DLG2: variants seen among roughly 807,000 people sequenced by gnomAD.
DLG2 encodes disks large homolog 2.
Under a neutral mutation model 132.5 loss-of-function variants are expected in DLG2, and 45 were observed. The observed-to-expected ratio is 0.34, with a 90% CI of 0.27 to 0.44. The LOEUF (loss-of-function observed/expected upper bound fraction) is 0.44. Among genes scored for constraint, DLG2 ranks in the 20% least tolerant of loss-of-function variants. The probability of loss-of-function intolerance (pLI) is 1.00; values close to 1 mark genes in which losing one functional copy is unlikely to be tolerated. For synonymous variants in DLG2, 424 were observed against 419.6 expected (o/e 1.01, Z -0.13); for missense variants, 1,045 against 1,196.9 (o/e 0.87, Z 1.87).
At chr11:85,151,187 G>A (rs2077226007) in intron 5 of DLG2, among the ~76,000 whole-genome samples, 1 of 152,080 alleles carries the variant, frequency 6.6e-6, no homozygotes, top group African/African-American at 2.4e-5. Context: ...TTCTATTCAA[G>A]TCTTTTGTCC....
In DLG2 at chr11:85,432,838, A is replaced by G. The variant is rs552500576; in HGVS notation, c.41-147473T>C. Among the ~76,000 whole-genome samples, 21 of 152,244 alleles carry G rather than the reference A, an allele frequency of 1.4e-4. No individual in the cohort carries two copies. In the East Asian group the frequency reaches 3.9e-3, roughly 28 times the overall value. ...GAGAAACTGACTAAGATACTCCACG[A>G]GAAGAACAACCCCAAGACACATAAT... On this transcript the variant is annotated intron_variant, in intron 3 of 27. Coordinates refer to ENST00000376104, the MANE Select transcript of DLG2 (RefSeq NM_001142699.3).
chr11:85,461,914 G>A (rs1330499305), intron 3 of DLG2, among the ~76,000 whole-genome samples: 1 of 152,036 alleles, frequency 6.6e-6, no homozygotes, highest in Non-Finnish European at 1.5e-5. Flanking sequence ...CTGACAAAGG[G>A]CTAATATCCA....
At chr11:85,588,939 C>T (rs1452410564) in intron 3 of DLG2, among the ~76,000 whole-genome samples, 1 of 152,128 alleles carries the variant, frequency 6.6e-6, no homozygotes, top group East Asian at 1.9e-4. Context: ...TGGTATTGCT[C>T]TTCTGAGTCT....
At chr11:85,086,367 T>C (rs2154173957) in intron 6 of DLG2, among the ~76,000 whole-genome samples, 1 of 152,218 alleles carries the variant, frequency 6.6e-6, no homozygotes, top group East Asian at 1.9e-4. Context: ...TTATGGAACA[T>C]GGGATGAAAA....
chr11:84,479,602 C>G (rs2099131285), intron 7 of DLG2, among the ~76,000 whole-genome samples: 1 of 151,982 alleles, frequency 6.6e-6, no homozygotes, highest in African/African-American at 2.4e-5. Flanking sequence ...TAATCCCTTA[C>G]AAATTTAAAC....
chr11:84,686,723 A>T (rs1425145377), intron 6 of DLG2: 1 of 150,186 alleles, frequency 6.7e-6, no homozygotes, highest in Non-Finnish European at 1.5e-5. Flanking sequence ...GTCGATAGTG[A>T]CTGCCTAACA....
chr11:84,600,204 G>GAAA (rs1197993490), intron 6 of DLG2, among the ~76,000 whole-genome samples: 1 of 136,972 alleles, frequency 7.3e-6, no homozygotes, highest in African/African-American at 3.2e-5. Context: ...AAGAAAGAAA[G>GAAA]AAAGAAAGAA....
Position 85,136,708 on chromosome 11 carries a change from A to T in DLG2, c.282+17848T>A, listed in dbSNP as rs115985640. 4.0e-3 allele frequency among the ~76,000 whole-genome samples: 611 copies of T among 152,162 alleles called. 8 individuals are homozygous for T. Among genetic ancestry groups the T allele is most frequent in the African/African-American group, 0.014 (598 of 41,502 alleles). On this transcript the variant is annotated intron_variant, in intron 5 of 27. Transcript: ENST00000376104. Reference sequence around the variant, plus strand: ...ACTAAACCTGTACCTTAACCACTTAAATCCATTATTACTTTTATTTTGTTT... The same window carrying T: ...ACTAAACCTGTACCTTAACCACTTATATCCATTATTACTTTTATTTTGTTT...
chr11:85,061,917 A>G (rs779990175), intron 6 of DLG2, among the ~76,000 whole-genome samples: 16 of 151,844 alleles, frequency 1.1e-4, no homozygotes, highest in African/African-American at 3.6e-4. Flanking sequence ...TTCTTCAGTC[A>G]CTTTACTCCT....
At chr11:83,832,709 T>C (rs1227575030) in intron 17 of DLG2, among the ~76,000 whole-genome samples, 3 of 152,276 alleles carry the variant, frequency 2.0e-5, no homozygotes, top group East Asian at 1.9e-4. Context: ...CATCACGTGA[T>C]ATACCCATAT....
intron 14 of DLG2, among the ~76,000 whole-genome samples, chr11:83,953,140 C>T (rs1189440908): frequency 1.3e-5 from 2 of 152,120 alleles, no homozygotes; most frequent in Admixed American, 6.6e-5. Context: ...TTGATAGTGT[C>T]GTAAGAATGT....
intron 3 of DLG2, among the ~76,000 whole-genome samples, chr11:85,503,790 G>A (rs1414524015): frequency 2.6e-5 from 4 of 151,962 alleles, no homozygotes; most frequent in Non-Finnish European, 2.9e-5. Flanking sequence ...AAATTAGTTG[G>A]GCATGGTGGC....
intron 6 of DLG2, among the ~76,000 whole-genome samples, chr11:84,631,226 T>A (rs1249556152): frequency 1.3e-5 from 2 of 150,064 alleles, no homozygotes; most frequent in African/African-American, 4.9e-5. Flanking sequence ...TCTTTTCCAT[T>A]TTTATTTCTC....
At chr11:84,880,030 G>A (rs928128828) in intron 6 of DLG2, among the ~76,000 whole-genome samples, 1 of 152,062 alleles carries the variant, frequency 6.6e-6, no homozygotes, top group African/African-American at 2.4e-5. Flanking sequence ...GTACTATAAA[G>A]TGATTTTTTA....
chr11:84,933,970 G>A (rs2048382795), intron 6 of DLG2, among the ~76,000 whole-genome samples: 1 of 152,120 alleles, frequency 6.6e-6, no homozygotes, highest in Admixed American at 6.5e-5. Context: ...TTCAGCTTTT[G>A]CCCATTCAGT....
rs971239488 is a variant in DLG2 at position 84,797,093 on chromosome 11, T to C, written c.358-262362A>G. On this transcript the variant is annotated intron_variant, in intron 6 of 27. Transcript: ENST00000376104. ...CACTCCTGACCTCAGGTGATCCGCCTGCCTCAGCCTCCTAAAGTGCTGGGA... is the reference window on the plus strand; with the variant it reads ...CACTCCTGACCTCAGGTGATCCGCCCGCCTCAGCCTCCTAAAGTGCTGGGA... Among the ~76,000 whole-genome samples, 3 of 152,228 alleles carry C rather than the reference T, an allele frequency of 2.0e-5. No homozygotes were observed. In the East Asian group the frequency reaches 5.8e-4, roughly 29 times the overall value.
intron 21 of DLG2, among the ~76,000 whole-genome samples, chr11:83,524,329 C>T (rs1279415891): frequency 6.6e-6 from 1 of 152,132 alleles, no homozygotes; most frequent in Admixed American, 6.5e-5. Context: ...GCCCCCATCT[C>T]CAGAGATTCT....
chr11:84,973,529 T>C (rs2054409323), intron 6 of DLG2, among the ~76,000 whole-genome samples: 1 of 152,172 alleles, frequency 6.6e-6, no homozygotes, highest in South Asian at 2.1e-4. Context: ...CAGCAAAAGG[T>C]AATCCGAGTT....
intron 4 of DLG2, among the ~76,000 whole-genome samples, chr11:85,245,504 T>C (rs1169217964): frequency 3.3e-5 from 5 of 151,984 alleles, no homozygotes; most frequent in African/African-American, 1.2e-4. Flanking sequence ...CTTCCATCAC[T>C]ACCACCCTGG....
Sources: gnomAD v4.1 joint callset for allele counts (sites outside exome capture counted in the v4.1 genomes callset) on GRCh38, gnomAD v4.1.1 for gene constraint, MANE v1.5 for transcripts, NCBI Gene and HGNC (gene_info 2026-07-23, HGNC 2026-07-21) for gene names.